Variants in PDSS2 observed in about 807,000 individuals in gnomAD.
The protein encoded by PDSS2 is all trans-polyprenyl-diphosphate synthase PDSS2.
Under a neutral mutation model 44.5 loss-of-function variants are expected in PDSS2, and 31 were observed. That is an observed-to-expected ratio of 0.70 (90% CI 0.52 to 0.94). The LOEUF (loss-of-function observed/expected upper bound fraction) is 0.94. Ranked by LOEUF, PDSS2 falls within the 40% of genes least tolerant of loss-of-function variation. The pLI, the probability that PDSS2 is intolerant of heterozygous loss-of-function variation, is 0.00. For missense variants in PDSS2, 452 were observed against 482.2 expected (o/e 0.94, Z 0.59); for synonymous variants, 157 against 180.3 (o/e 0.87, Z 1.03).
rs73509187 is a variant in PDSS2 at position 107,273,883 on chromosome 6, T to C, written c.630+146A>G. ...ACTTTGCCTGGTACTAACACTGCCA[T>C]CATTATGTTCATCACAGTTTTACTG... On this transcript the variant is annotated intron_variant, in intron 3 of 7. Transcript: ENST00000369037. 1,113 of 698,660 alleles carry C rather than the reference T, an allele frequency of 1.6e-3. 9 individuals are homozygous for C. The African/African-American group carries it at 0.018, about 11-fold the overall frequency. The allele number at this position is 698,660 out of a possible 1,614,324, so 43.3% of individuals were successfully genotyped here. A position where few individuals can be genotyped will look rare whatever the true frequency, so the allele number is the denominator to read the frequency against.
intron 1 of PDSS2, among the ~76,000 whole-genome samples, chr6:107,433,949 C>T (rs1195746041): frequency 1.3e-5 from 2 of 152,018 alleles, no homozygotes; most frequent in African/African-American, 4.8e-5. Flanking sequence ...ATAATTTGAT[C>T]TTAAAGTGGG....
intron 6 of PDSS2, among the ~76,000 whole-genome samples, chr6:107,204,517 T>C (rs1048438553): frequency 4.6e-5 from 7 of 152,182 alleles, no homozygotes; most frequent in African/African-American, 1.7e-4. Context: ...CCTATGTTTT[T>C]CACATTCCAC....
chr6:107,372,612 C>A (rs942729366), intron 1 of PDSS2, among the ~76,000 whole-genome samples: 8 of 152,034 alleles, frequency 5.3e-5, no homozygotes, highest in Non-Finnish European at 1.2e-4. Flanking sequence ...CCACCACGCT[C>A]GGCTAATTGT....
chr6:107,164,373 G>A (rs543943838), intron 7 of PDSS2, among the ~76,000 whole-genome samples: 1 of 152,178 alleles, frequency 6.6e-6, no homozygotes, highest in South Asian at 2.1e-4. Flanking sequence ...GTGTCCAGGT[G>A]TTCTCATTGT....
At chr6:107,247,881 T>C (rs893427345) in intron 3 of PDSS2, among the ~76,000 whole-genome samples, 4 of 143,638 alleles carry the variant, frequency 2.8e-5, no homozygotes, top group African/African-American at 1.0e-4. Context: ...TAGCTGGGCA[T>C]GGTGGGGCAT....
At chr6:107,390,408 C>T (rs978326040) in intron 1 of PDSS2, among the ~76,000 whole-genome samples, 1 of 152,030 alleles carries the variant, frequency 6.6e-6, no homozygotes, top group African/African-American at 2.4e-5. Context: ...AAGGGACACT[C>T]CACAAAATAG....
rs1327972340 is a variant in PDSS2, at chr6:107,337,069, ACACACACAAAT to A, written c.297-2748_297-2738del. 2.7e-4 allele frequency among the ~76,000 whole-genome samples: 41 copies of A among 151,226 alleles called. No individual in the cohort carries two copies. The East Asian group carries it at 5.5e-3, about 20-fold the overall frequency. Reference sequence around the variant, plus strand: ...CACACACACACACACACACACACACACACACACAAATAATAATAATAGCAGCAGCAAACACT... The same window carrying A: ...CACACACACACACACACACACACACAAATAATAATAGCAGCAGCAAACACT... On this transcript the variant is annotated intron_variant, in intron 1 of 7. Transcript: ENST00000369037.
intron 3 of PDSS2, 55 bp downstream of exon 3, chr6:107,273,974 C>T (rs1775687784): frequency 3.5e-6 from 5 of 1,410,914 alleles, no homozygotes; most frequent in Middle Eastern, 1.8e-4. Context: ...CTCCAGCAGC[C>T]AACTAATTGC....
intron 7 of PDSS2, among the ~76,000 whole-genome samples, chr6:107,192,036 A>G (rs1290157027): frequency 6.6e-6 from 1 of 152,210 alleles, no homozygotes; most frequent in Admixed American, 6.5e-5. Flanking sequence ...CTGTCAACCT[A>G]AAACTGCTGT....
At chr6:107,430,183 T>C (rs1781150300) in intron 1 of PDSS2, among the ~76,000 whole-genome samples, 1 of 151,928 alleles carries the variant, frequency 6.6e-6, no homozygotes, top group African/African-American at 2.4e-5. Flanking sequence ...TTTTTGTATA[T>C]TAAACCACTT....
intron 7 of PDSS2, among the ~76,000 whole-genome samples, chr6:107,159,087 G>C (rs1485042784): frequency 2.6e-5 from 4 of 152,012 alleles, no homozygotes; most frequent in African/African-American, 9.7e-5. Context: ...CTGCTGGGGG[G>C]ACTACATAAC....
intron 1 of PDSS2, among the ~76,000 whole-genome samples, chr6:107,339,454 T>C (rs2115276232): frequency 6.6e-6 from 1 of 152,290 alleles, no homozygotes; most frequent in South Asian, 2.1e-4. Flanking sequence ...CTTCTATACA[T>C]CAAGCATTGT....
intron 2 of PDSS2, among the ~76,000 whole-genome samples, chr6:107,285,590 T>C (rs1582892520): frequency 6.6e-6 from 1 of 152,272 alleles, no homozygotes; most frequent in Non-Finnish European, 1.5e-5. Context: ...TGAATAATTA[T>C]TTACGATAAA....
intron 2 of PDSS2, among the ~76,000 whole-genome samples, chr6:107,304,284 T>C (rs1040123386): frequency 6.6e-6 from 1 of 152,242 alleles, no homozygotes; most frequent in African/African-American, 2.4e-5. Context: ...AAATTCAGGG[T>C]TATCTGGGAG....
intron 1 of PDSS2, among the ~76,000 whole-genome samples, chr6:107,448,198 A>G (rs756797094): frequency 1.9e-4 from 29 of 152,168 alleles, no homozygotes; most frequent in Non-Finnish European, 8.8e-5. Flanking sequence ...CATTTTCCCC[A>G]TTGTCTTGGC....
At chr6:107,451,589 C>T (rs1274653822) in intron 1 of PDSS2, among the ~76,000 whole-genome samples, 1 of 152,122 alleles carries the variant, frequency 6.6e-6, no homozygotes, top group African/African-American at 2.4e-5. Flanking sequence ...CCTCCATTAT[C>T]TCAAGCAGCA....
chr6:107,244,314 AAC>A (rs1157477411), intron 4 of PDSS2, among the ~76,000 whole-genome samples: 1 of 152,216 alleles, frequency 6.6e-6, no homozygotes, highest in African/African-American at 2.4e-5. Context: ...TAAATGAAGA[AAC>A]ACAGGCAAAT....
intron 7 of PDSS2, among the ~76,000 whole-genome samples, chr6:107,162,578 C>G (rs1480398952): frequency 1.4e-5 from 2 of 139,706 alleles, no homozygotes; most frequent in Non-Finnish European, 1.5e-5. Flanking sequence ...AAAATTTACA[C>G]TTTTTCTTTT....
chr6:107,224,225 C>A (rs1773710733), intron 4 of PDSS2, among the ~76,000 whole-genome samples: 2 of 151,348 alleles, frequency 1.3e-5, no homozygotes, highest in African/African-American at 4.9e-5. Flanking sequence ...AGGACAGTTG[C>A]TCATCCAGGA....
Sources: gnomAD v4.1 joint callset for allele counts (sites outside exome capture counted in the v4.1 genomes callset) on GRCh38, gnomAD v4.1.1 for gene constraint, MANE v1.5 for transcripts, NCBI Gene and HGNC (gene_info 2026-07-23, HGNC 2026-07-21) for gene names.